SLCO4C1: variants seen among roughly 807,000 people sequenced by gnomAD.
SLCO4C1 encodes the protein organic anion transporter M1.
Under a neutral mutation model 72.1 loss-of-function variants are expected in SLCO4C1, and 58 were observed. The observed-to-expected ratio is 0.80, with a 90% CI of 0.65 to 1.00. SLCO4C1 has a LOEUF of 1.00. Ranked by LOEUF, SLCO4C1 falls within the 50% of genes least tolerant of loss-of-function variation. SLCO4C1 has a pLI of 0.00. For synonymous variants in SLCO4C1, 297 were observed against 312.5 expected (o/e 0.95, Z 0.52); for missense variants, 898 against 857.9 (o/e 1.05, Z -0.58).
chr5:102,262,091 G>T (rs1348214708), intron 4 of SLCO4C1, 58 bp from the exon 5 acceptor site: 2 of 1,481,946 alleles, frequency 1.3e-6, no homozygotes, highest in Admixed American at 1.9e-5. Context: ...TTAAAACTCA[G>T]TTAGGATAAT....
At chr5:102,271,950 G>A (rs1749160763) in intron 2 of SLCO4C1, among the ~76,000 whole-genome samples, 1 of 152,062 alleles carries the variant, frequency 6.6e-6, no homozygotes, top group East Asian at 1.9e-4. Flanking sequence ...TGCAACTCGG[G>A]TAAATACATT....
At chr5:102,278,821 C>T (rs1749302052) in intron 2 of SLCO4C1, among the ~76,000 whole-genome samples, 1 of 151,380 alleles carries the variant, frequency 6.6e-6, no homozygotes, top group Non-Finnish European at 1.5e-5. Flanking sequence ...CAATATATAA[C>T]AATAGTGAAA....
intron 3 of SLCO4C1, among the ~76,000 whole-genome samples, chr5:102,266,105 G>T (rs998037766): frequency 6.6e-6 from 1 of 151,880 alleles, no homozygotes. Context: ...TTTTCAACTA[G>T]TTCATCATTG....
At chr5:102,248,221 G>A (rs192984620) in intron 9 of SLCO4C1, among the ~76,000 whole-genome samples, 79 of 152,120 alleles carry the variant, frequency 5.2e-4, no homozygotes, top group African/African-American at 1.9e-3. Flanking sequence ...GTATTGCTGT[G>A]AACAAATGTA....
chr5:102,242,472 G>A (rs1481190153), intron 10 of SLCO4C1, among the ~76,000 whole-genome samples: 1 of 152,104 alleles, frequency 6.6e-6, no homozygotes, highest in African/African-American at 2.4e-5. Flanking sequence ...GGGAAGAGTG[G>A]GGAGGATTTT....
intron 3 of SLCO4C1, 111 bp from the exon 4 acceptor site, chr5:102,263,891 T>C (rs1748987614): frequency 5.4e-6 from 4 of 740,664 alleles, no homozygotes; most frequent in East Asian, 2.8e-5. Context: ...ATTAAACATA[T>C]CAAAATCACA....
chr5:102,257,892 T>C (rs772002651), intron 7 of SLCO4C1, 51 bp downstream of exon 7: 3 of 1,512,422 alleles, frequency 2.0e-6, no homozygotes, highest in Middle Eastern at 2.3e-4. Flanking sequence ...CTCATAAAAA[T>C]TTAATATAGT....
intron 8 of SLCO4C1, among the ~76,000 whole-genome samples, chr5:102,252,735 G>T (rs1305825373): frequency 6.6e-6 from 1 of 152,018 alleles, no homozygotes; most frequent in Admixed American, 6.6e-5. Context: ...AATATCAAGG[G>T]GTGGTCACAT....
At position 102,296,019 on chromosome 5, in the gene SLCO4C1, C is replaced by T; in HGVS notation, c.244G>A (p.Glu82Lys). The T allele has an allele frequency of 6.2e-7, 1 of 1,614,228 alleles. No homozygotes were observed. Among genetic ancestry groups the T allele is most frequent in the Non-Finnish European group, 8.5e-7 (1 of 1,180,046 alleles). ...CAGCCGTAAGACCCCTCCTCAAACT[C>T]GGACAGCGACAGTGACCGGAGCTTC... ...EEKLRSLSLSEFEEGSYGWRN... is the reference protein window; with the variant it reads ...EEKLRSLSLSKFEEGSYGWRN... Residue 82 changes from glutamate to lysine, a missense_variant, in exon 1 of 13, where the codon GAG becomes AAG. Glu to Lys is a moderately conservative substitution (Grantham distance 56). Coordinates refer to ENST00000310954, the MANE Select transcript of SLCO4C1 (RefSeq NM_180991.5).
intron 4 of SLCO4C1, among the ~76,000 whole-genome samples, chr5:102,263,420 C>T (rs1468975097): frequency 2.6e-5 from 4 of 151,926 alleles, no homozygotes; most frequent in Non-Finnish European, 4.4e-5. Context: ...GTCCTACATA[C>T]TTATTTTTAA....
At chr5:102,263,570 T>C in intron 4 of SLCO4C1, 114 bp downstream of exon 4, 3 of 768,556 alleles carry the variant, frequency 3.9e-6, no homozygotes, top group Non-Finnish European at 4.1e-6. Flanking sequence ...TTTTGTTTCC[T>C]GAATAATTCC....
intron 1 of SLCO4C1, among the ~76,000 whole-genome samples, chr5:102,293,873 T>G (rs773442030): frequency 6.6e-6 from 1 of 152,190 alleles, no homozygotes; most frequent in Non-Finnish European, 1.5e-5. Context: ...TAGCTGGGAC[T>G]ACAGGCGTGT....
At position 102,236,587 on chromosome 5, in the gene SLCO4C1, T is replaced by C; in HGVS notation, c.*271A>G. 3.7e-5 allele frequency: 11 copies of C among 300,484 alleles called. No homozygotes were observed. The highest frequency in any genetic ancestry group is 7.4e-5 in the South Asian group (2 of 26,946). The allele number at this position is 300,484 out of a possible 1,614,324, so 18.6% of individuals were successfully genotyped here. A position where few individuals can be genotyped will look rare whatever the true frequency, so the allele number is the denominator to read the frequency against. On this transcript the variant is annotated 3_prime_UTR_variant, in exon 13 of 13. Transcript: ENST00000310954. ...AAATAAGTGTGTATGTGTGCGTGTG[T>C]GTGTGTGTGTGTGTGTTCGTGTGTG...
intron 8 of SLCO4C1, among the ~76,000 whole-genome samples, chr5:102,255,730 T>C (rs988064228): frequency 3.3e-5 from 5 of 152,142 alleles, no homozygotes; most frequent in Non-Finnish European, 7.3e-5. Context: ...GAAGCCCTTC[T>C]GGATTCTAAT....
In SLCO4C1 at chr5:102,239,259, A is replaced by G. The variant is rs767222179; in HGVS notation, c.2006T>C (p.Val669Ala). 9 of 1,575,858 alleles carry G rather than the reference A, an allele frequency of 5.7e-6. No individual in the cohort carries two copies. The Admixed American group carries it at 1.7e-4, about 29-fold the overall frequency. ...AAGAAGTCACCACTTACTTATGGCT[A>G]CTAGCATATGGGCCATCTTGATGTT... Reference protein sequence around the residue: ...YDNIKMAHMLVAISVTCKVIT... With the variant: ...YDNIKMAHMLAAISVTCKVIT... The change falls in exon 12 of 13, where the codon GTA becomes GCA. Residue 669 changes from valine (V) to alanine (A), a missense_variant. Val to Ala is a moderately conservative substitution (Grantham distance 64). Transcript: ENST00000310954.
At chr5:102,285,285 T>G (rs116112286) in intron 2 of SLCO4C1, among the ~76,000 whole-genome samples, 12,136 of 151,712 alleles carry the variant, frequency 0.08, 682 homozygotes, top group African/African-American at 0.17. Flanking sequence ...ATATATTTTT[T>G]TTTGTTTGTT....
intron 2 of SLCO4C1, 34 bp downstream of exon 2, chr5:102,291,309 G>T (rs1358420121): frequency 6.3e-7 from 1 of 1,594,454 alleles, no homozygotes. Flanking sequence ...CACTTCTTCA[G>T]ATTAAAACAA....
intron 8 of SLCO4C1, among the ~76,000 whole-genome samples, chr5:102,255,531 TCTA>T (rs1233335017): frequency 1.3e-5 from 2 of 152,176 alleles, no homozygotes; most frequent in Non-Finnish European, 2.9e-5. Flanking sequence ...AAAATATATT[TCTA>T]CTATTTCTAG....
chr5:102,258,054 C>T lies in SLCO4C1; in HGVS notation c.1162G>A (p.Val388Ile). Residue 388 changes from valine to isoleucine, a missense_variant, in exon 7 of 13, where the codon GTT (valine) becomes ATT (isoleucine). Transcript: ENST00000310954. ...AAGGCTTCTGAAGAAGTTGATAGAA[C>T]TAAACACATAAAGACAGCATTCTTC... ...LMKNAVFMCL[V>I]LSTSSEALIT... 6.3e-7 allele frequency: 1 copy of T among 1,593,770 alleles called. No homozygotes were observed. Among genetic ancestry groups the T allele is most frequent in the Non-Finnish European group, 8.5e-7 (1 of 1,173,772 alleles).
Sources: gnomAD v4.1 joint callset for allele counts (sites outside exome capture counted in the v4.1 genomes callset) on GRCh38, gnomAD v4.1.1 for gene constraint, MANE v1.5 for transcripts, NCBI Gene and HGNC (gene_info 2026-07-23, HGNC 2026-07-21) for gene names.